The following CDH15 variants were observed in gnomAD, a reference collection of about 807,000 sequenced individuals.
The protein encoded by CDH15 is cadherin-15.
Under a neutral mutation model 69.4 loss-of-function variants are expected in CDH15, and 73 were observed. That is an observed-to-expected ratio of 1.05 (90% CI 0.87 to 1.28). The LOEUF (loss-of-function observed/expected upper bound fraction) is 1.28, where lower values mean the gene tolerates loss of function less well. CDH15 is among the 50% of genes most tolerant of loss of function. The pLI, the probability that CDH15 is intolerant of heterozygous loss-of-function variation, is 0.00. For missense variants in CDH15, 1,343 were observed against 1,133.6 expected, an observed-to-expected ratio of 1.18 and a Z score of -2.65; for synonymous variants, 624 against 507.7, an observed-to-expected ratio of 1.23 and a Z score of -3.08.
chr16:89,191,561 G>T, intron 9 of CDH15, 89 bp downstream of exon 9: 4 of 1,584,632 alleles, frequency 2.5e-6, no homozygotes, highest in Non-Finnish European at 3.4e-6. Flanking sequence ...TGCCCATGTC[G>T]CCCGGGGGCT....
intron 1 of CDH15, among the ~76,000 whole-genome samples, chr16:89,176,592 G>GGCA (rs1202028019): frequency 6.6e-6 from 1 of 152,134 alleles, no homozygotes; most frequent in Non-Finnish European, 1.5e-5. Flanking sequence ...TGGCGTGGCC[G>GGCA]GCACACCTCT....
At position 89,171,782 on chromosome 16, in the gene CDH15, G is replaced by T. The variant is rs12927793; in HGVS notation, c.-50G>T. 2.0e-6 allele frequency: 3 copies of T among 1,531,138 alleles called. No individual in the cohort carries two copies. Among genetic ancestry groups the T allele is most frequent in the Non-Finnish European group, 2.6e-6 (3 of 1,141,078 alleles). The allele number at this position is 1,531,138 out of a possible 1,614,324, so 94.8% of individuals were successfully genotyped here. A position where few individuals can be genotyped will look rare whatever the true frequency, so the allele number is the denominator to read the frequency against. ...TTGCGCTGTCACTCAGCCTGGACGC[G>T]CTTCTTCGGGTCGCGGGTGCACTCC... is the stretch of plus-strand genomic sequence containing the variant. On this transcript the variant is annotated 5_prime_UTR_variant, in exon 1 of 14. Coordinates refer to ENST00000289746, the MANE Select transcript of CDH15 (RefSeq NM_004933.3).
chr16:89,193,359 C>G (rs1340550602), intron 11 of CDH15, 111 bp from the exon 12 acceptor site: 3 of 633,666 alleles, frequency 4.7e-6, no homozygotes, highest in Non-Finnish European at 7.7e-6. Flanking sequence ...AACCCCACCC[C>G]TGCTTACCAG....
Position 89,191,360 on chromosome 16 carries a change from G to C in CDH15, c.1263G>C (p.Trp421Cys), listed in dbSNP as rs1369498906. The change falls in exon 9 of 14, where the codon TGG (tryptophan) becomes TGC (cysteine). Residue 421 changes from tryptophan (W) to cysteine (C), a missense_variant. Coordinates refer to ENST00000289746, the MANE Select transcript of CDH15 (RefSeq NM_004933.3). ...SYSKDYDPEDWLQVDAATGRI... is the reference protein window; with the variant it reads ...SYSKDYDPEDCLQVDAATGRI... ...CCAAGGACTACGACCCGGAAGACTGGCTGCAAGTGGACGCAGCCACTGGCC... is the reference window on the plus strand; with the variant it reads ...CCAAGGACTACGACCCGGAAGACTGCCTGCAAGTGGACGCAGCCACTGGCC... The C allele has an allele frequency of 2.5e-6, 4 of 1,612,618 alleles. No homozygotes were observed. The highest frequency in any genetic ancestry group is 1.1e-5 in the South Asian group (1 of 91,090).
In CDH15 at chr16:89,179,459, C is replaced by G. The variant is rs1205842433; in HGVS notation, c.86C>G (p.Thr29Ser). The change falls in exon 2 of 14, where the codon ACC becomes AGC. Residue 29 changes from threonine (T) to serine (S), a missense_variant. By Grantham distance (58) the Thr-to-Ser change is moderately conservative. Coordinates refer to ENST00000289746, the MANE Select transcript of CDH15 (RefSeq NM_004933.3). ...GGGGTTCCTGGATGGAGGAGGCCCA[C>G]CACCCTGTACCCCTGGCGCCGGGCG... ...SLGVPGWRRP[T>S]TLYPWRRAPA... 6.2e-7 allele frequency: 1 copy of G among 1,613,586 alleles called. No individual in the cohort carries two copies. The highest frequency in any genetic ancestry group is 8.5e-7 in the Non-Finnish European group (1 of 1,179,884).
intron 7 of CDH15, among the ~76,000 whole-genome samples, chr16:89,189,372 C>CCGGCACACACAGA (rs71158782): frequency 0.037 from 5,495 of 149,480 alleles, 223 homozygotes; most frequent in East Asian, 0.15. Context: ...CACACAGATG[C>CCGGCACACACAGA]TGGCGCACAC....
At chr16:89,185,848 T>A (rs1183117978) in intron 5 of CDH15, 1 of 227,590 alleles carries the variant, frequency 4.4e-6, no homozygotes, top group African/African-American at 2.3e-5. Context: ...ACAGAGTAGG[T>A]GCTCTGTAAA....
chr16:89,183,797 A>T, intron 4 of CDH15, 105 bp downstream of exon 4: 1 of 1,205,596 alleles, frequency 8.3e-7, no homozygotes. Flanking sequence ...TCAGAGTCTA[A>T]AAATAAGTAA....
intron 4 of CDH15, among the ~76,000 whole-genome samples, chr16:89,184,405 A>G (rs1345599358): frequency 6.6e-6 from 1 of 152,180 alleles, no homozygotes; most frequent in Non-Finnish European, 1.5e-5. Flanking sequence ...CTGAGCTGCC[A>G]GAGGGGTCAG....
chr16:89,179,387 A>G (rs752301246), intron 1 of CDH15, 29 bp from the exon 2 acceptor site: 2 of 1,612,714 alleles, frequency 1.2e-6, no homozygotes, highest in African/African-American at 1.3e-5. Flanking sequence ...AGGAGACGGT[A>G]CTGTGGGACG....
At chr16:89,185,861 C>A (rs982977366) in intron 5 of CDH15, 2 of 216,534 alleles carry the variant, frequency 9.2e-6, no homozygotes, top group Non-Finnish European at 1.9e-5. Context: ...TCTGTAAATG[C>A]TTACCCAGCG....
Position 89,187,509 on chromosome 16 carries a change from C to T in CDH15, c.744C>T (p.Ile248=). 1 of 1,613,738 alleles carries T rather than the reference C, an allele frequency of 6.2e-7. No individual in the cohort carries two copies. The highest frequency in any genetic ancestry group is 8.5e-7 in the Non-Finnish European group (1 of 1,179,994). The change falls in exon 6 of 14, where the codon ATC becomes ATT. Residue 248 remains isoleucine (I), a synonymous_variant. Coordinates refer to ENST00000289746, the MANE Select transcript of CDH15 (RefSeq NM_004933.3). The part of the protein sequence containing the change: ...DGLTATASAI[I]TLDDINDNAP... ...TCACAGCCACTGCCTCAGCCATCATCACCCTTGATGACATCAATGACAATG... is the reference window on the plus strand; with the variant it reads ...TCACAGCCACTGCCTCAGCCATCATTACCCTTGATGACATCAATGACAATG...
intron 3 of CDH15, 84 bp from the exon 4 acceptor site, chr16:89,183,464 C>T (rs745779614): frequency 1.3e-4 from 196 of 1,489,526 alleles, no homozygotes; most frequent in Non-Finnish European, 1.6e-4. Context: ...AAAGTCTGAA[C>T]GTGCTGTCTC....
At chr16:89,179,124 G>C (rs1278337712) in intron 1 of CDH15, among the ~76,000 whole-genome samples, 2 of 152,238 alleles carry the variant, frequency 1.3e-5, no homozygotes, top group Non-Finnish European at 2.9e-5. Context: ...TGGCTGCTGA[G>C]TGGGCCCAGT....
intron 1 of CDH15, among the ~76,000 whole-genome samples, chr16:89,178,259 C>T (rs932577866): frequency 1.3e-5 from 2 of 152,120 alleles, no homozygotes; most frequent in Non-Finnish European, 2.9e-5. Flanking sequence ...AGGGTCGTCC[C>T]GGCCCTGGAG....
At chr16:89,177,769 G>A (rs899314801) in intron 1 of CDH15, among the ~76,000 whole-genome samples, 2 of 152,190 alleles carry the variant, frequency 1.3e-5, no homozygotes, top group Admixed American at 1.3e-4. Flanking sequence ...GTGCCGAGCC[G>A]AGTGGGGTCA....
intron 1 of CDH15, among the ~76,000 whole-genome samples, chr16:89,178,783 G>C (rs1444821905): frequency 1.3e-5 from 2 of 152,228 alleles, no homozygotes; most frequent in Non-Finnish European, 2.9e-5. Flanking sequence ...GCATCCCGGG[G>C]TTCAGTTCCC....
rs777227494 is a variant in CDH15, at chr16:89,193,460, C to G, written c.1856-10C>G. 7 of 1,605,118 alleles carry G rather than the reference C, an allele frequency of 4.4e-6. No homozygotes were observed. In the Admixed American group the frequency reaches 1.2e-4, roughly 27 times the overall value. ...TGCCTGGCCCCAGCCTGCGTCCCCTCATTCCCCAGTGCTGGTCCTGCTCGT... is the reference window on the plus strand; with the variant it reads ...TGCCTGGCCCCAGCCTGCGTCCCCTGATTCCCCAGTGCTGGTCCTGCTCGT... On this transcript the variant is annotated splice_polypyrimidine_tract_variant and intron_variant, in intron 11 of 13. Transcript: ENST00000289746.
At chr16:89,183,469 T>C in intron 3 of CDH15, 79 bp from the exon 4 acceptor site, 3 of 1,528,384 alleles carry the variant, frequency 2.0e-6, no homozygotes, top group South Asian at 1.1e-5. Context: ...CTGAACGTGC[T>C]GTCTCTTTCG....
Sources: allele counts gnomAD v4.1 joint callset (sites outside exome capture counted in the v4.1 genomes callset), GRCh38; gene constraint gnomAD v4.1.1; transcripts MANE v1.5; gene names NCBI Gene and HGNC (gene_info 2026-07-23, HGNC 2026-07-21).